The following SHISA9 variants were observed in gnomAD, a reference collection of about 807,000 sequenced individuals.
SHISA9 encodes shisa family member 9.
Under a neutral mutation model 38.0 loss-of-function variants are expected in SHISA9, and 13 were observed. That is an observed-to-expected ratio of 0.34 (90% CI 0.22 to 0.54). The LOEUF (loss-of-function observed/expected upper bound fraction) is 0.54. SHISA9 is among the 20% of genes least tolerant of loss of function. SHISA9 has a pLI of 0.91. For missense variants in SHISA9, 538 were observed against 575.8 expected (o/e 0.93, Z 0.67); for synonymous variants, 275 against 242.0 (o/e 1.14, Z -1.27).
chr16:13,450,982 G>T, the SHISA9 span, among the ~76,000 whole-genome samples: 1 of 152,108 alleles, frequency 6.6e-6, no homozygotes, highest in Non-Finnish European at 1.5e-5. Context: ...ACATAACCCA[G>T]CTCCCAGTGG....
chr16:13,349,254 C>T, the SHISA9 span, among the ~76,000 whole-genome samples: 6 of 152,212 alleles, frequency 3.9e-5, no homozygotes, highest in Non-Finnish European at 4.4e-5. Flanking sequence ...GACTGATATT[C>T]AGTAGGTCTT....
rs2072851765 is a variant in SHISA9 at position 13,021,359 on chromosome 16, G to A, written c.691+104544G>A. Among the ~76,000 whole-genome samples, 4 of 152,138 alleles carry A rather than the reference G, an allele frequency of 2.6e-5. No individual in the cohort carries two copies. The South Asian group carries it at 8.3e-4, about 32-fold the overall frequency. On this transcript the variant is annotated intron_variant, in intron 2 of 4. Transcript: ENST00000558583. ...ATGAACAGTGAGAAACTATCCAAAC[G>A]GTAGTGCTGAGGTTGAGAAGTCCTG...
chr16:13,521,856 A>G, the SHISA9 span, among the ~76,000 whole-genome samples: 45 of 152,276 alleles, frequency 3.0e-4, no homozygotes, highest in African/African-American at 9.6e-4. Flanking sequence ...AATTTAACAA[A>G]CCTTTGAAAT....
chr16:13,459,490 CT>C, the SHISA9 span, among the ~76,000 whole-genome samples: 1 of 145,186 alleles, frequency 6.9e-6, no homozygotes, highest in Non-Finnish European at 1.5e-5. Context: ...ATGTTCTAGC[CT>C]ATTTATTTTT....
intron 2 of SHISA9, among the ~76,000 whole-genome samples, chr16:13,134,939 A>G (rs2050335723): frequency 6.6e-6 from 1 of 152,148 alleles, no homozygotes; most frequent in South Asian, 2.1e-4. Context: ...GAGACCTGCA[A>G]TGACTCTTGA....
intron 2 of SHISA9, among the ~76,000 whole-genome samples, chr16:13,158,762 A>C (rs1567231036): frequency 1.3e-5 from 2 of 152,158 alleles, no homozygotes; most frequent in African/African-American, 4.8e-5. Flanking sequence ...GATGATTTTA[A>C]AAACACAGCA....
chr16:12,904,512 C>G (rs2071067148), intron 1 of SHISA9, among the ~76,000 whole-genome samples: 1 of 152,116 alleles, frequency 6.6e-6, no homozygotes, highest in African/African-American at 2.4e-5. Context: ...TGGTCCTGCC[C>G]CCGTGCAGCT....
chr16:13,107,067 G>C (rs144408396), intron 2 of SHISA9, among the ~76,000 whole-genome samples: 1 of 152,098 alleles, frequency 6.6e-6, no homozygotes. Context: ...GACAAAGGGG[G>C]TGTTTTAAAA....
the SHISA9 span, among the ~76,000 whole-genome samples, chr16:13,400,413 C>T: frequency 1.3e-5 from 2 of 152,126 alleles, no homozygotes; most frequent in East Asian, 3.9e-4. Context: ...AGCAAGTAAA[C>T]TCTTTGCATC....
At chr16:13,000,032 A>C (rs1315834922) in intron 2 of SHISA9, among the ~76,000 whole-genome samples, 1 of 152,232 alleles carries the variant, frequency 6.6e-6, no homozygotes, top group African/African-American at 2.4e-5. Flanking sequence ...TGGGAATAAC[A>C]ATTTGACTCC....
chr16:13,444,396 G>GA, the SHISA9 span, among the ~76,000 whole-genome samples: 2 of 115,286 alleles, frequency 1.7e-5, no homozygotes, highest in African/African-American at 3.5e-5. Flanking sequence ...AGGAAAGAAG[G>GA]AAGGAAGGGA....
chr16:13,462,356 A>G, the SHISA9 span, among the ~76,000 whole-genome samples: 2 of 152,236 alleles, frequency 1.3e-5, no homozygotes, highest in Admixed American at 6.5e-5. Flanking sequence ...AGCATGTATA[A>G]AGGTAAAAAA....
At chr16:13,022,724 C>A (rs1367041900) in intron 2 of SHISA9, among the ~76,000 whole-genome samples, 2 of 152,104 alleles carry the variant, frequency 1.3e-5, no homozygotes, top group Non-Finnish European at 2.9e-5. Flanking sequence ...GCCTAGGTGT[C>A]CCGAGTAGCA....
chr16:13,464,389 A>G, the SHISA9 span, among the ~76,000 whole-genome samples: 1 of 152,166 alleles, frequency 6.6e-6, no homozygotes, highest in East Asian at 1.9e-4. Flanking sequence ...GCTTTGTGCA[A>G]AATCAGTCCA....
At chr16:13,397,871 A>G in the SHISA9 span, among the ~76,000 whole-genome samples, 3 of 152,294 alleles carry the variant, frequency 2.0e-5, no homozygotes, top group Admixed American at 6.5e-5. Flanking sequence ...GAATGGGAGG[A>G]CATATAGGCT....
intron 2 of SHISA9, among the ~76,000 whole-genome samples, chr16:13,133,863 C>T: frequency 6.6e-6 from 1 of 152,296 alleles, no homozygotes; most frequent in East Asian, 1.9e-4. Context: ...GGAAATGGTT[C>T]ACTTTGGCAG....
intron 2 of SHISA9, among the ~76,000 whole-genome samples, chr16:13,188,295 C>T (rs1423151121): frequency 6.6e-6 from 1 of 152,210 alleles, no homozygotes; most frequent in African/African-American, 2.4e-5. Flanking sequence ...TGCCTTGACA[C>T]AGCAGGTGCC....
At chr16:13,341,337 C>T in the SHISA9 span, among the ~76,000 whole-genome samples, 1 of 152,194 alleles carries the variant, frequency 6.6e-6, no homozygotes, top group Non-Finnish European at 1.5e-5. Flanking sequence ...AAAAGACCCT[C>T]AACATCCTTT....
the SHISA9 span, among the ~76,000 whole-genome samples, chr16:13,547,939 G>A: frequency 4.6e-5 from 7 of 152,026 alleles, no homozygotes; most frequent in Admixed American, 1.3e-4. Flanking sequence ...CAAAGCTGGT[G>A]GCATCACACT....
Sources: gnomAD v4.1 joint callset for allele counts (sites outside exome capture counted in the v4.1 genomes callset) on GRCh38, gnomAD v4.1.1 for gene constraint, MANE v1.5 for transcripts, NCBI Gene and HGNC (gene_info 2026-07-23, HGNC 2026-07-21) for gene names.